The following AKAP7 variants were observed in gnomAD, a reference collection of about 807,000 sequenced individuals.
AKAP7 encodes A-kinase anchoring protein 7.
Under a neutral mutation model 39.5 loss-of-function variants are expected in AKAP7, and 39 were observed. The ratio of observed to expected loss-of-function variants is 0.99; its 90% CI spans 0.76 to 1.29. AKAP7 has a LOEUF of 1.29. Among genes scored for constraint, AKAP7 ranks in the 50% most tolerant of loss-of-function variants. The probability of loss-of-function intolerance (pLI) is 0.00; values close to 1 mark genes in which losing one functional copy is unlikely to be tolerated. For synonymous variants in AKAP7, 140 were observed against 139.1 expected (o/e 1.01, Z -0.05); for missense variants, 414 against 407.7 (o/e 1.02, Z -0.13).
chr6:131,178,363 G>A (rs1379284793), intron 5 of AKAP7, among the ~76,000 whole-genome samples: 3 of 152,296 alleles, frequency 2.0e-5, no homozygotes, highest in South Asian at 4.1e-4. Flanking sequence ...GAAGTGCTTA[G>A]CACAGTATTG....
intron 7 of AKAP7, among the ~76,000 whole-genome samples, chr6:131,233,936 TA>T (rs1183682506): frequency 6.6e-6 from 1 of 152,208 alleles, no homozygotes; most frequent in African/African-American, 2.4e-5. Flanking sequence ...GAGAGGTTTT[TA>T]AAATCCAATT....
chr6:131,257,560 T>G (rs1415294535), intron 7 of AKAP7, among the ~76,000 whole-genome samples: 1 of 152,122 alleles, frequency 6.6e-6, no homozygotes, highest in African/African-American at 2.4e-5. Flanking sequence ...GTCTTGTCCA[T>G]CATGAGGCCT....
intron 6 of AKAP7, among the ~76,000 whole-genome samples, chr6:131,203,236 C>A (rs1807778452): frequency 6.6e-6 from 1 of 152,004 alleles, no homozygotes; most frequent in South Asian, 2.1e-4. Context: ...ATATATGGTT[C>A]CTTAGTCTCA....
chr6:131,203,434 G>T (rs1018857205), intron 6 of AKAP7, among the ~76,000 whole-genome samples: 1 of 152,144 alleles, frequency 6.6e-6, no homozygotes, highest in African/African-American at 2.4e-5. Context: ...AAAGAAGGGA[G>T]TGGCGAAATA....
At chr6:131,141,048 A>G (rs372073967) in intron 1 of AKAP7, among the ~76,000 whole-genome samples, 1 of 152,176 alleles carries the variant, frequency 6.6e-6, no homozygotes, top group Admixed American at 6.5e-5. Context: ...AGAATGTACT[A>G]TTAGGGTTTT....
chr6:131,260,127 C>T (rs1355785947), intron 7 of AKAP7, among the ~76,000 whole-genome samples: 2 of 152,092 alleles, frequency 1.3e-5, no homozygotes, highest in African/African-American at 4.8e-5. Flanking sequence ...CTGCAAAGGA[C>T]ATGATCTTGT....
chr6:131,136,769 TATG>T, intron 1 of AKAP7: 3 of 772,414 alleles, frequency 3.9e-6, no homozygotes, highest in Non-Finnish European at 4.7e-6. Flanking sequence ...GTTCCCTTTT[TATG>T]AGGAGGAAAG....
intron 2 of AKAP7, among the ~76,000 whole-genome samples, chr6:131,157,631 A>C (rs1190923057): frequency 6.6e-6 from 1 of 152,210 alleles, no homozygotes; most frequent in East Asian, 1.9e-4. Context: ...TTACGTAAGA[A>C]ATAAAACCCA....
intron 5 of AKAP7, among the ~76,000 whole-genome samples, chr6:131,170,444 C>T (rs1408185252): frequency 6.6e-6 from 1 of 152,110 alleles, no homozygotes; most frequent in Non-Finnish European, 1.5e-5. Context: ...ACCGTATTGT[C>T]CTTTCAGTAA....
chr6:131,239,212 A>T (rs931516394), intron 7 of AKAP7, among the ~76,000 whole-genome samples: 2 of 152,094 alleles, frequency 1.3e-5, no homozygotes, highest in African/African-American at 4.8e-5. Flanking sequence ...AAATTCTTTC[A>T]TTTAAGAATG....
chr6:131,184,232 A>T, intron 5 of AKAP7: 1 of 418,566 alleles, frequency 2.4e-6, no homozygotes, highest in Admixed American at 3.1e-5. Context: ...GGACTTGTGA[A>T]GGAGAGGAGG....
chr6:131,208,500 T>G lies in AKAP7; in HGVS notation c.702+8927T>G, dbSNP rs184183682. On this transcript the variant is annotated intron_variant, in intron 6 of 7. Transcript: ENST00000431975. ...CTTTGAAAACCCTGGAAGAAATGAC[T>G]GGTGAACCTAATATTAAATCTTCAA... is the stretch of plus-strand genomic sequence containing the variant. 6.0e-4 allele frequency among the ~76,000 whole-genome samples: 92 copies of G among 152,368 alleles called. 2 individuals carry two copies. The East Asian group carries it at 0.017, about 29-fold the overall frequency.
intron 7 of AKAP7, among the ~76,000 whole-genome samples, chr6:131,226,062 G>A (rs1222383371): frequency 2.0e-5 from 3 of 152,176 alleles, no homozygotes; most frequent in East Asian, 1.9e-4. Context: ...TTGGTCTCAC[G>A]TTCTTGCATG....
At chr6:131,139,748 G>GAATA (rs1278068109) in intron 1 of AKAP7, among the ~76,000 whole-genome samples, 1 of 152,216 alleles carries the variant, frequency 6.6e-6, no homozygotes, top group Non-Finnish European at 1.5e-5. Flanking sequence ...AATCAAAGGA[G>GAATA]AATAAGACAA....
chr6:131,245,266 G>C (rs1474403220), intron 7 of AKAP7, among the ~76,000 whole-genome samples: 1 of 144,442 alleles, frequency 6.9e-6, no homozygotes, highest in Non-Finnish European at 1.5e-5. Context: ...TTTTTCTTGA[G>C]ATGGAGTCTC....
chr6:131,185,210 G>T, intron 5 of AKAP7: 1 of 478,958 alleles, frequency 2.1e-6, no homozygotes, highest in Non-Finnish European at 4.0e-6. Flanking sequence ...TAGGTGGGAA[G>T]AAAAATTGTG....
intron 2 of AKAP7, among the ~76,000 whole-genome samples, chr6:131,152,700 G>A (rs1273177546): frequency 6.6e-6 from 1 of 151,832 alleles, no homozygotes; most frequent in Non-Finnish European, 1.5e-5. Flanking sequence ...GGTGGTACAT[G>A]CTTGTAGTCC....
chr6:131,265,909 A>G (rs1036252323), intron 7 of AKAP7, among the ~76,000 whole-genome samples: 2 of 152,222 alleles, frequency 1.3e-5, no homozygotes, highest in African/African-American at 4.8e-5. Flanking sequence ...TCTGTTTGTT[A>G]TTACTAAAAG....
At chr6:131,172,250 G>A (rs1804138292) in intron 5 of AKAP7, among the ~76,000 whole-genome samples, 1 of 152,162 alleles carries the variant, frequency 6.6e-6, no homozygotes, top group Non-Finnish European at 1.5e-5. Flanking sequence ...AAGAACAGTA[G>A]AGACATGTAG....
Sources: allele counts gnomAD v4.1 joint callset (sites outside exome capture counted in the v4.1 genomes callset), GRCh38; gene constraint gnomAD v4.1.1; transcripts MANE v1.5; gene names NCBI Gene and HGNC (gene_info 2026-07-23, HGNC 2026-07-21).